The following EPS15L1 variants were observed in gnomAD, a reference collection of about 807,000 sequenced individuals.
The protein encoded by EPS15L1 is epidermal growth factor receptor pathway substrate 15 like 1.
EPS15L1 carries 43 observed loss-of-function variants against 117.1 expected under a neutral mutation model. The ratio of observed to expected loss-of-function variants is 0.37; its 90% CI spans 0.29 to 0.47. The LOEUF (loss-of-function observed/expected upper bound fraction) is 0.47, where lower values mean the gene tolerates loss of function less well. Ranked by LOEUF, EPS15L1 falls within the 20% of genes least tolerant of loss-of-function variation. The pLI is 0.99. For synonymous variants in EPS15L1, 459 were observed against 470.5 expected (o/e 0.98, Z 0.32); for missense variants, 981 against 1,164.0 (o/e 0.84, Z 2.29).
intron 4 of EPS15L1, 50 bp from the exon 5 acceptor site, chr19:16,437,915 G>A: frequency 2.1e-6 from 3 of 1,408,928 alleles, no homozygotes; most frequent in Non-Finnish European, 2.0e-6. Context: ...GCCAGTGAGG[G>A]TAGGGGGAGC....
intron 21 of EPS15L1, among the ~76,000 whole-genome samples, chr19:16,384,723 T>C (rs1413625170): frequency 1.3e-5 from 2 of 152,180 alleles, no homozygotes; most frequent in East Asian, 3.9e-4. Context: ...TTGAGAGTTC[T>C]GTCACATGGG....
At chr19:16,369,284 T>C (rs2144666163) in intron 22 of EPS15L1, among the ~76,000 whole-genome samples, 1 of 152,346 alleles carries the variant, frequency 6.6e-6, no homozygotes, top group East Asian at 1.9e-4. Flanking sequence ...CTGAGGTCCC[T>C]GCGATCGCAG....
chr19:16,363,612 G>T (rs539801162), intron 22 of EPS15L1, among the ~76,000 whole-genome samples: 1 of 152,228 alleles, frequency 6.6e-6, no homozygotes, highest in African/African-American at 2.4e-5. Context: ...CTCGGCAAGG[G>T]AAAGTGCCTC....
intron 1 of EPS15L1, among the ~76,000 whole-genome samples, chr19:16,448,706 T>C (rs2093110722): frequency 6.6e-6 from 1 of 151,900 alleles, no homozygotes; most frequent in African/African-American, 2.4e-5. Flanking sequence ...GGTGTGCACC[T>C]GTAATCCCAG....
intron 22 of EPS15L1, among the ~76,000 whole-genome samples, chr19:16,374,090 T>C (rs2092262105): frequency 6.6e-6 from 1 of 152,218 alleles, no homozygotes; most frequent in Non-Finnish European, 1.5e-5. Flanking sequence ...TTGGTTCTCG[T>C]TACTCCTGTC....
chr19:16,469,567 C>A (rs1431442816), intron 1 of EPS15L1, among the ~76,000 whole-genome samples: 1 of 151,956 alleles, frequency 6.6e-6, no homozygotes, highest in Non-Finnish European at 1.5e-5. Context: ...GCAGACCTTT[C>A]GAATTTACGT....
Position 16,367,984 on chromosome 19 carries a change from A to AGAGT in EPS15L1, c.2381-6001_2381-6000insACTC, listed in dbSNP as rs751127564. ...AAACATGAGAGTGAGAGAGAGAGAG[A>AGAGT]GTGTGTGTGTGTGTGTGTGTGTTTG... On this transcript the variant is annotated intron_variant, in intron 22 of 23. Transcript: ENST00000455140. Among the ~76,000 whole-genome samples, 77 of 151,380 alleles carry AGAGT rather than the reference A, an allele frequency of 5.1e-4. No individual in the cohort carries two copies. The South Asian group carries it at 5.6e-3, about 11-fold the overall frequency.
At chr19:16,360,981 TG>T (rs1476014778) in intron 23 of EPS15L1, among the ~76,000 whole-genome samples, 1 of 152,136 alleles carries the variant, frequency 6.6e-6, no homozygotes, top group Non-Finnish European at 1.5e-5. Context: ...AAACCAATTC[TG>T]GGAAGACAAC....
At chr19:16,396,545 T>C (rs1026613353) in intron 16 of EPS15L1, among the ~76,000 whole-genome samples, 1 of 152,224 alleles carries the variant, frequency 6.6e-6, no homozygotes, top group Non-Finnish European at 1.5e-5. Context: ...ATTATAGGCA[T>C]GAGCTACCGC....
At chr19:16,390,952 G>A (rs1213984281) in intron 19 of EPS15L1, among the ~76,000 whole-genome samples, 2 of 152,140 alleles carry the variant, frequency 1.3e-5, no homozygotes, top group Non-Finnish European at 2.9e-5. Context: ...ATTTTAAGTT[G>A]AAAATGTACG....
At chr19:16,431,214 C>T (rs1306757232) in intron 7 of EPS15L1, among the ~76,000 whole-genome samples, 3 of 146,826 alleles carry the variant, frequency 2.0e-5, no homozygotes, top group Non-Finnish European at 3.0e-5. Context: ...ACTCCAGCCT[C>T]GGTGACAGCG....
chr19:16,442,515 C>A (rs1178674624), intron 1 of EPS15L1, among the ~76,000 whole-genome samples: 2 of 152,200 alleles, frequency 1.3e-5, no homozygotes, highest in Non-Finnish European at 2.9e-5. Flanking sequence ...TTTCCATTCA[C>A]TGAGCAAAGG....
At chr19:16,408,186 G>A (rs1000935801) in intron 13 of EPS15L1, among the ~76,000 whole-genome samples, 3 of 152,064 alleles carry the variant, frequency 2.0e-5, no homozygotes, top group Non-Finnish European at 2.9e-5. Context: ...AGTCCCAGAG[G>A]GACAAAGACC....
At chr19:16,359,909 A>T (rs2092029945) in intron 23 of EPS15L1, among the ~76,000 whole-genome samples, 1 of 151,510 alleles carries the variant, frequency 6.6e-6, no homozygotes, top group Non-Finnish European at 1.5e-5. Flanking sequence ...AAAAAAACAG[A>T]AAACAACAGG....
At chr19:16,466,570 A>C (rs2093307375) in intron 1 of EPS15L1, among the ~76,000 whole-genome samples, 1 of 152,210 alleles carries the variant, frequency 6.6e-6, no homozygotes, top group Non-Finnish European at 1.5e-5. Context: ...AGAAGATGCC[A>C]AATAAATACT....
chr19:16,417,763 T>C, intron 11 of EPS15L1, 126 bp from the exon 12 acceptor site: 2 of 1,153,214 alleles, frequency 1.7e-6, no homozygotes, highest in Admixed American at 2.1e-5. Flanking sequence ...GTAGCAAAAG[T>C]GTCAGCCCCC....
At chr19:16,467,896 G>C (rs1235647722) in intron 1 of EPS15L1, among the ~76,000 whole-genome samples, 1 of 152,172 alleles carries the variant, frequency 6.6e-6, no homozygotes, top group Non-Finnish European at 1.5e-5. Flanking sequence ...CTCTATTTCT[G>C]TGGGTCTTGG....
chr19:16,377,403 C>T lies in EPS15L1; in HGVS notation c.2248-149G>A, dbSNP rs1162859037. On this transcript the variant is annotated intron_variant, in intron 21 of 23. Transcript: ENST00000455140. Reference sequence around the variant, plus strand: ...ACATGGCCCTGCTTGGACGTGGGGTCTCTTTCAAGCCCCATGCTTTCCTCC... The same window carrying T: ...ACATGGCCCTGCTTGGACGTGGGGTTTCTTTCAAGCCCCATGCTTTCCTCC... 7.2e-6 allele frequency: 6 copies of T among 834,322 alleles called. No homozygotes were observed. In the East Asian group the frequency reaches 1.7e-4, roughly 24 times the overall value. The allele number at this position is 834,322 out of a possible 1,614,324, so 51.7% of individuals were successfully genotyped here.
rs756061628 is a variant in EPS15L1 at position 16,377,152 on chromosome 19, G to T, written c.2350C>A (p.Pro784Thr). 3.1e-6 allele frequency: 5 copies of T among 1,609,260 alleles called. No individual in the cohort carries two copies. The highest frequency in any genetic ancestry group is 1.1e-5 in the South Asian group (1 of 90,416). The change falls in exon 22 of 24, where the codon CCT becomes ACT. Residue 784 changes from proline to threonine, a missense_variant. Physicochemically the swap from Pro to Thr is conservative, Grantham distance 38. Coordinates refer to ENST00000455140, the MANE Select transcript of EPS15L1 (RefSeq NM_001258374.3). The part of the protein sequence containing the change: ...QDTPALPPKK[P>T]APPRPKPPSG... Reference sequence around the variant, plus strand: ...GGCGGTTTAGGCCGTGGAGGAGCAGGTTTCTTCGGAGGCAGAGCAGGAGTG... The same window carrying T: ...GGCGGTTTAGGCCGTGGAGGAGCAGTTTTCTTCGGAGGCAGAGCAGGAGTG...
Sources: gnomAD v4.1 joint callset for allele counts (sites outside exome capture counted in the v4.1 genomes callset) on GRCh38, gnomAD v4.1.1 for gene constraint, MANE v1.5 for transcripts, NCBI Gene and HGNC (gene_info 2026-07-23, HGNC 2026-07-21) for gene names.